RHOD: variants seen among roughly 807,000 people sequenced by gnomAD.
The protein encoded by RHOD is rho-related GTP-binding protein RhoD.
Under a neutral mutation model 16.7 loss-of-function variants are expected in RHOD, and 11 were observed. That is an observed-to-expected ratio of 0.66 (90% CI 0.41 to 1.09). The LOEUF (loss-of-function observed/expected upper bound fraction) is 1.09, where lower values mean the gene tolerates loss of function less well. Ranked by LOEUF, RHOD falls within the 50% of genes least tolerant of loss-of-function variation. The pLI, the probability that RHOD is intolerant of heterozygous loss-of-function variation, is 0.00. For missense variants in RHOD, 271 were observed against 291.7 expected, an observed-to-expected ratio of 0.93 and a Z score of 0.52; for synonymous variants, 124 against 126.3, an observed-to-expected ratio of 0.98 and a Z score of 0.12.
At chr11:67,066,004 C>G (rs997058729) in intron 2 of RHOD, 21 bp downstream of exon 2, 2 of 700,690 alleles carry the variant, frequency 2.9e-6, no homozygotes, top group Admixed American at 1.9e-5. Flanking sequence ...AGGGGTGGGG[C>G]AGGGTGGGAG....
chr11:67,057,027 T>A lies in RHOD; in HGVS notation c.125T>A (p.Phe42Tyr), dbSNP rs1854821168. The A allele has an allele frequency of 1.3e-6, 2 of 1,485,052 alleles. No individual in the cohort carries two copies. The highest frequency in any genetic ancestry group is 1.5e-5 in the African/African-American group (1 of 68,558). 92.0% of individuals were successfully genotyped at this position (1,485,052 alleles called of 1,614,324 possible). ...SLLMVFADGA[F>Y]PESYTPTVFE... ...CTGATGGTCTTCGCCGATGGGGCCTTCCCCGAGGTGAGTGCCCCGCGCCTC... is the reference window on the plus strand; with the variant it reads ...CTGATGGTCTTCGCCGATGGGGCCTACCCCGAGGTGAGTGCCCCGCGCCTC... Residue 42 changes from phenylalanine (F) to tyrosine (Y), a missense_variant, in exon 1 of 5, where the codon TTC becomes TAC. Transcript: ENST00000308831.
intron 3 of RHOD, among the ~76,000 whole-genome samples, chr11:67,067,216 G>T (rs1854970007): frequency 6.6e-6 from 1 of 152,204 alleles, no homozygotes; most frequent in South Asian, 2.1e-4. Flanking sequence ...GAACAGTCAA[G>T]TCAGAGTCCA....
chr11:67,066,037 C>T, intron 2 of RHOD, 54 bp downstream of exon 2: 2 of 1,353,782 alleles, frequency 1.5e-6, no homozygotes, highest in Non-Finnish European at 2.1e-6. Flanking sequence ...GCCCCTGATG[C>T]CTGGGACAGA....
Position 67,071,609 on chromosome 11 carries a change from C to A in RHOD, c.*7C>A. On this transcript the variant is annotated 3_prime_UTR_variant, in exon 5 of 5. Transcript: ENST00000308831. ...CTTTTGCGTGGTGACCTGAGCGGCT[C>A]GGGGCGTCCCAGCGACGCGGGAAGG... 6.3e-7 allele frequency: 1 copy of A among 1,585,454 alleles called. No individual in the cohort carries two copies.
intron 1 of RHOD, among the ~76,000 whole-genome samples, chr11:67,061,810 GTATA>G (rs71045977): frequency 7.1e-6 from 1 of 140,402 alleles, no homozygotes; most frequent in Admixed American, 7.6e-5. Flanking sequence ...ATATGTGTGT[GTATA>G]TATATATGTG....
At chr11:67,070,944 C>T (rs202142354) in intron 4 of RHOD, among the ~76,000 whole-genome samples, 38 of 152,142 alleles carry the variant, frequency 2.5e-4, no homozygotes, top group Admixed American at 1.9e-3. Context: ...TTAAAAACAA[C>T]GAAGGCTGGC....
Position 67,065,947 on chromosome 11 carries a change from G to A in RHOD, c.184G>A (p.Gly62Ser). The A allele has an allele frequency of 6.2e-7, 1 of 1,612,746 alleles. No individual in the cohort carries two copies. The highest frequency in any genetic ancestry group is 8.5e-7 in the Non-Finnish European group (1 of 1,179,460). Residue 62 changes from glycine to serine, a missense_variant, in exon 2 of 5, where the codon GGC (glycine) becomes AGC (serine). By Grantham distance (56) the Gly-to-Ser change is moderately conservative. Coordinates refer to ENST00000308831, the MANE Select transcript of RHOD (RefSeq NM_014578.4). The stretch of plus-strand genomic sequence containing the variant: ...GTACATGGTCAACCTGCAAGTGAAA[G>A]GCAAACCTGTGCACCTCCACATCTG... The part of the protein sequence containing the change: ...ERYMVNLQVK[G>S]KPVHLHIWDT...
intron 2 of RHOD, 147 bp downstream of exon 2, chr11:67,066,130 G>C (rs1009819435): frequency 3.2e-5 from 22 of 697,054 alleles, no homozygotes; most frequent in Non-Finnish European, 5.1e-5. Context: ...CCAGGAGTCT[G>C]AGCCCTCCTT....
At chr11:67,070,057 G>A (rs1855007401) in intron 3 of RHOD, among the ~76,000 whole-genome samples, 1 of 152,072 alleles carries the variant, frequency 6.6e-6, no homozygotes, top group South Asian at 2.1e-4. Flanking sequence ...GTGTCCATGA[G>A]GGCCCTTACC....
chr11:67,064,187 A>G (rs1854929825), intron 1 of RHOD, among the ~76,000 whole-genome samples: 1 of 150,346 alleles, frequency 6.7e-6, no homozygotes, highest in East Asian at 2.0e-4. Context: ...CGGGTGGATC[A>G]CGAGGTCAGG....
intron 1 of RHOD, among the ~76,000 whole-genome samples, chr11:67,057,691 T>C (rs1008178766): frequency 1.3e-5 from 2 of 152,242 alleles, no homozygotes; most frequent in South Asian, 2.1e-4. Flanking sequence ...TGCTCTCCTC[T>C]GAGCCCCGTG....
chr11:67,071,688 T>G lies in RHOD; in HGVS notation c.*86T>G. On this transcript the variant is annotated 3_prime_UTR_variant, in exon 5 of 5. Transcript: ENST00000308831. ...GCTGGGCTGGACCCGGTCCCTAGGC[T>G]GTGACCGCCGAACTCCACTGCAACA... 1 of 1,347,022 alleles carries G rather than the reference T, an allele frequency of 7.4e-7. No individual in the cohort carries two copies. The highest frequency in any genetic ancestry group is 9.9e-7 in the Non-Finnish European group (1 of 1,011,674). 83.4% of individuals were successfully genotyped at this position (1,347,022 alleles called of 1,614,324 possible).
At position 67,071,764 on chromosome 11, in the gene RHOD, A is replaced by C; in HGVS notation, c.*162A>C. 1.4e-6 allele frequency: 1 copy of C among 716,768 alleles called. No individual in the cohort carries two copies. The highest frequency in any genetic ancestry group is 2.2e-6 in the Non-Finnish European group (1 of 452,312). The allele number at this position is 716,768 out of a possible 1,614,324, so 44.4% of individuals were successfully genotyped here. A position where few individuals can be genotyped will look rare whatever the true frequency, so the allele number is the denominator to read the frequency against. ...TGAGGCCTGGGAGTCCTGGACTGAGAAAGGGGGTTCCTGGGCCCACCTGCT... is the reference window on the plus strand; with the variant it reads ...TGAGGCCTGGGAGTCCTGGACTGAGCAAGGGGGTTCCTGGGCCCACCTGCT... On this transcript the variant is annotated 3_prime_UTR_variant, in exon 5 of 5. Coordinates refer to ENST00000308831, the MANE Select transcript of RHOD (RefSeq NM_014578.4).
rs1855035557 is a variant in RHOD, at chr11:67,071,787, G to C, written c.*185G>C. ...AGAAAGGGGGTTCCTGGGCCCACCT[G>C]CTCTGTGTAGGGCTCGTCCTGCGGT... On this transcript the variant is annotated 3_prime_UTR_variant, in exon 5 of 5. Transcript: ENST00000308831. 1 of 613,244 alleles carries C rather than the reference G, an allele frequency of 1.6e-6. No individual in the cohort carries two copies. The highest frequency in any genetic ancestry group is 2.8e-6 in the Non-Finnish European group (1 of 358,662). The allele number at this position is 613,244 out of a possible 1,614,324, so 38.0% of individuals were successfully genotyped here.
At chr11:67,064,312 A>T (rs1363818461) in intron 1 of RHOD, among the ~76,000 whole-genome samples, 1 of 148,714 alleles carries the variant, frequency 6.7e-6, no homozygotes, top group South Asian at 2.2e-4. Context: ...AGGCTGAGGC[A>T]GGAGAATGGC....
chr11:67,069,194 C>T (rs1007540135), intron 3 of RHOD, among the ~76,000 whole-genome samples: 11 of 152,058 alleles, frequency 7.2e-5, no homozygotes, highest in African/African-American at 2.7e-4. Flanking sequence ...CGACTTAGTG[C>T]TCCTGGAGAT....
chr11:67,070,122 C>A (rs891821358), intron 3 of RHOD, among the ~76,000 whole-genome samples: 1 of 152,208 alleles, frequency 6.6e-6, no homozygotes, highest in African/African-American at 2.4e-5. Context: ...GCCCCACCCC[C>A]AGGCTCAAAT....
In RHOD at chr11:67,056,999, C is replaced by T. The variant is rs1278786892; in HGVS notation, c.97C>T (p.Leu33=). 6.6e-7 allele frequency: 1 copy of T among 1,509,060 alleles called. No individual in the cohort carries two copies. The highest frequency in any genetic ancestry group is 1.4e-5 in the African/African-American group (1 of 69,388). The allele number at this position is 1,509,060 out of a possible 1,614,324, so 93.5% of individuals were successfully genotyped here. A position where few individuals can be genotyped will look rare whatever the true frequency, so the allele number is the denominator to read the frequency against. The change falls in exon 1 of 5, where the codon CTG becomes TTG. Residue 33 remains leucine (L), a synonymous_variant. Coordinates refer to ENST00000308831, the MANE Select transcript of RHOD (RefSeq NM_014578.4). The part of the protein sequence containing the change: ...VGDGGCGKTS[L]LMVFADGAFP... ...CGACGGCGGCTGCGGGAAGACGTCG[C>T]TGCTGATGGTCTTCGCCGATGGGGC...
chr11:67,066,613 CT>C, intron 2 of RHOD, 124 bp from the exon 3 acceptor site: 1 of 725,510 alleles, frequency 1.4e-6, no homozygotes, highest in Non-Finnish European at 2.4e-6. Flanking sequence ...GTGCCAAACT[CT>C]GAGGCAAAAA....
Sources: allele counts gnomAD v4.1 joint callset (sites outside exome capture counted in the v4.1 genomes callset), GRCh38; gene constraint gnomAD v4.1.1; transcripts MANE v1.5; gene names NCBI Gene and HGNC (gene_info 2026-07-23, HGNC 2026-07-21).